Variants in DDX51 observed in about 807,000 individuals in gnomAD.
DDX51 encodes the protein ATP-dependent RNA helicase DDX51.
A neutral mutation model predicts 74.6 loss-of-function variants in DDX51; 67 were observed. The observed-to-expected ratio is 0.90, with a 90% CI of 0.74 to 1.10. DDX51 has a LOEUF of 1.10. Among genes scored for constraint, DDX51 ranks in the 50% least tolerant of loss-of-function variants. DDX51 has a pLI of 0.00. For missense variants in DDX51, 1,056 were observed against 905.2 expected (o/e 1.17, Z -2.14); for synonymous variants, 545 against 402.9 (o/e 1.35, Z -4.22).
Position 132,142,801 on chromosome 12 carries a change from G to C in DDX51, c.597C>G (p.Ile199Met). 6.2e-7 allele frequency: 1 copy of C among 1,613,122 alleles called. No individual in the cohort carries two copies. Among genetic ancestry groups the C allele is most frequent in the Non-Finnish European group, 8.5e-7 (1 of 1,180,032 alleles). Residue 199 changes from isoleucine (I) to methionine (M), a missense_variant, in exon 3 of 15, where the codon ATC becomes ATG. Transcript: ENST00000397333. ...CAGGATGGACGTCAGGGATGTCCTC[G>C]ATAGGAACCAGGTCTTCGGTGACAT... is the stretch of plus-strand genomic sequence containing the variant. ...RRNVTEDLVPIEDIPDVHPDL... is the reference protein window; with the variant it reads ...RRNVTEDLVPMEDIPDVHPDL...
At chr12:132,142,630 C>T in intron 3 of DDX51, 98 bp downstream of exon 3, 1 of 1,537,866 alleles carries the variant, frequency 6.5e-7, no homozygotes, top group South Asian at 1.2e-5. Flanking sequence ...ACACTTGGCA[C>T]CGATGTGGCA....
chr12:132,144,160 T>TGCC lies in DDX51; in HGVS notation c.134_136dup (p.Arg45dup). On this transcript the variant is annotated inframe_insertion, in exon 1 of 15. Coordinates refer to ENST00000397333, the MANE Select transcript of DDX51 (RefSeq NM_175066.4). The stretch of plus-strand genomic sequence containing the variant: ...GGTCTGCGCGGGCTCCCGCTGCTGC[T>TGCC]GCCGTTCGCGGGCCCGGCTCTGCAG... 8.5e-7 allele frequency: 1 copy of TGCC among 1,178,230 alleles called. No homozygotes were observed. The highest frequency in any genetic ancestry group is 1.0e-6 in the Non-Finnish European group (1 of 954,204). The allele number at this position is 1,178,230 out of a possible 1,614,324, so 73.0% of individuals were successfully genotyped here. A position where few individuals can be genotyped will look rare whatever the true frequency, so the allele number is the denominator to read the frequency against.
In DDX51 at chr12:132,143,710, C is replaced by G; in HGVS notation, c.504G>C (p.Lys168Asn). 1 of 1,541,020 alleles carries G rather than the reference C, an allele frequency of 6.5e-7. No individual in the cohort carries two copies. The highest frequency in any genetic ancestry group is 8.7e-7 in the Non-Finnish European group (1 of 1,145,400). Residue 168 changes from lysine (K) to asparagine (N), a missense_variant, in exon 2 of 15, where the codon AAG (lysine) becomes AAC (asparagine). Coordinates refer to ENST00000397333, the MANE Select transcript of DDX51 (RefSeq NM_175066.4). ...CGAGGCTCACCTTCGGCGCCTTCCT[C>G]TTCCCGAACCCCCCCAGCACCAGGC... ...VPGLVLGGFG[K>N]RKAPKVQPFL...
rs964270315 is a variant in DDX51 at position 132,143,763 on chromosome 12, C to T, written c.451G>A (p.Glu151Lys). ...GGGACCAGGGGTCCGGCCGCCTCCTCCAGGGCCGGTCCATCTGGGGCCGCC... is the reference window on the plus strand; with the variant it reads ...GGGACCAGGGGTCCGGCCGCCTCCTTCAGGGCCGGTCCATCTGGGGCCGCC... ...AEAAPDGPAL[E>K]EAAGPLVPGL... The change falls in exon 2 of 15, where the codon GAG becomes AAG. Residue 151 changes from glutamate (E) to lysine (K), a missense_variant. Transcript: ENST00000397333. The T allele has an allele frequency of 1.6e-5, 24 of 1,525,592 alleles. No homozygotes were observed. The highest frequency in any genetic ancestry group is 2.0e-5 in the Non-Finnish European group (23 of 1,139,986). 94.5% of individuals were successfully genotyped at this position (1,525,592 alleles called of 1,614,324 possible). A position where few individuals can be genotyped will look rare whatever the true frequency, so the allele number is the denominator to read the frequency against.
rs1897389666 is a variant in DDX51 at position 132,140,144 on chromosome 12, C to T, written c.1729G>A (p.Val577Met). 1 of 1,612,922 alleles carries T rather than the reference C, an allele frequency of 6.2e-7. No homozygotes were observed. Among genetic ancestry groups the T allele is most frequent in the Non-Finnish European group, 8.5e-7 (1 of 1,179,996 alleles). ...RGIDVQGVELVVNYDAPQYLR... is the reference protein window; with the variant it reads ...RGIDVQGVELMVNYDAPQYLR... ...TACTGGGGGGCGTCGTAGTTCACCA[C>T]CAGCTCCACACCCTGCACGTCGATG... Residue 577 changes from valine (V) to methionine (M), a missense_variant, in exon 12 of 15, where the codon GTG becomes ATG. By Grantham distance (21) the Val-to-Met change is conservative. Coordinates refer to ENST00000397333, the MANE Select transcript of DDX51 (RefSeq NM_175066.4).
chr12:132,141,209 G>A lies in DDX51; in HGVS notation c.1250+66C>T, dbSNP rs929776276. 35 of 1,521,522 alleles carry A rather than the reference G, an allele frequency of 2.3e-5. No homozygotes were observed. The South Asian group carries it at 2.9e-4, about 13-fold the overall frequency. The allele number at this position is 1,521,522 out of a possible 1,614,324, so 94.3% of individuals were successfully genotyped here. A position where few individuals can be genotyped will look rare whatever the true frequency, so the allele number is the denominator to read the frequency against. ...GCCACCCTTATCTCTGGGCATTAAG[G>A]AAGGAGAGCTGTGTGCAGAGGACTC... On this transcript the variant is annotated intron_variant, in intron 8 of 14. Transcript: ENST00000397333.
Position 132,142,423 on chromosome 12 carries a change from C to G in DDX51, c.671-1G>C. The G allele has an allele frequency of 6.2e-7, 1 of 1,611,644 alleles. No individual in the cohort carries two copies. Among genetic ancestry groups the G allele is most frequent in the Admixed American group, 1.7e-5 (1 of 59,998 alleles). The stretch of plus-strand genomic sequence containing the variant: ...AGGGCAGGAATCACAGCTGCCTGGA[C>G]TGGATGAGGAAAGGCGAGAGAGAAG... On this transcript the variant is annotated splice_acceptor_variant, in intron 3 of 14. Coordinates refer to ENST00000397333, the MANE Select transcript of DDX51 (RefSeq NM_175066.4). LOFTEE classifies it high-confidence loss of function.
In DDX51 at chr12:132,139,927, G is replaced by A; in HGVS notation, c.1776-3C>T. The A allele has an allele frequency of 1.2e-6, 2 of 1,612,902 alleles. No individual in the cohort carries two copies. The highest frequency in any genetic ancestry group is 1.7e-6 in the Non-Finnish European group (2 of 1,179,942). On this transcript the variant is annotated splice_region_variant and splice_polypyrimidine_tract_variant and intron_variant, in intron 12 of 14. Transcript: ENST00000397333. ...CAGCGCGAGCTGTCCTCCCAACCCT[G>A]GAATCAAACGCAGCTATCTCCAGAC...
In DDX51 at chr12:132,144,144, G is replaced by C; in HGVS notation, c.153C>G (p.Pro51=). The C allele has an allele frequency of 8.4e-7, 1 of 1,185,906 alleles. No homozygotes were observed. The allele number at this position is 1,185,906 out of a possible 1,614,324, so 73.5% of individuals were successfully genotyped here. ...RARERQQQRE[P]AQTEAAASTE... ...TCGATGCAGCCGCCTCGGTCTGCGCGGGCTCCCGCTGCTGCTGCCGTTCGC... is the reference window on the plus strand; with the variant it reads ...TCGATGCAGCCGCCTCGGTCTGCGCCGGCTCCCGCTGCTGCTGCCGTTCGC... The change falls in exon 1 of 15, where the codon CCC becomes CCG. Residue 51 remains proline (P), a synonymous_variant. Transcript: ENST00000397333.
chr12:132,142,052 A>T (rs559703354), intron 5 of DDX51, 67 bp downstream of exon 5: 1 of 1,596,536 alleles, frequency 6.3e-7, no homozygotes, highest in South Asian at 1.1e-5. Context: ...CCAGGGGCTG[A>T]TCGCTGTGCA....
In DDX51 at chr12:132,144,317, C is replaced by T. The variant is rs1297082716; in HGVS notation, c.-21G>A. 5 of 1,347,042 alleles carry T rather than the reference C, an allele frequency of 3.7e-6. No individual in the cohort carries two copies. Among genetic ancestry groups the T allele is most frequent in the Admixed American group, 4.0e-5 (1 of 24,782 alleles). 83.4% of individuals were successfully genotyped at this position (1,347,042 alleles called of 1,614,324 possible). A position where few individuals can be genotyped will look rare whatever the true frequency, so the allele number is the denominator to read the frequency against. ...GCCATGGCCAGCCGCACGCCTGGGA[C>T]TCGGGCGTGGCGCGCTGCGATGACG... is the stretch of plus-strand genomic sequence containing the variant. On this transcript the variant is annotated 5_prime_UTR_variant, in exon 1 of 15. Coordinates refer to ENST00000397333, the MANE Select transcript of DDX51 (RefSeq NM_175066.4).
chr12:132,141,160 G>A lies in DDX51; in HGVS notation c.1250+115C>T, dbSNP rs1897442696. 4 of 1,493,636 alleles carry A rather than the reference G, an allele frequency of 2.7e-6. No individual in the cohort carries two copies. In the East Asian group the frequency reaches 9.1e-5, roughly 34 times the overall value. 92.5% of individuals were successfully genotyped at this position (1,493,636 alleles called of 1,614,324 possible). On this transcript the variant is annotated intron_variant, in intron 8 of 14. Transcript: ENST00000397333. ...GGTCCAGCTCACGTGACAGTACGAT[G>A]CGGTTCTGTGCACCAGAGCTCAAGC...
At position 132,140,474 on chromosome 12, in the gene DDX51, G is replaced by A. The variant is rs1444390498; in HGVS notation, c.1622C>T (p.Pro541Leu). The change falls in exon 11 of 15, where the codon CCT becomes CTT. Residue 541 changes from proline to leucine, a missense_variant. Coordinates refer to ENST00000397333, the MANE Select transcript of DDX51 (RefSeq NM_175066.4). ...CTTCAGGATCATCCTCCTCTGGCCA[G>A]GCCCGTAGCGCGAGGAGAACTCAGC... ...DVAEFSSRYG[P>L]GQRRMILKQF... 4 of 1,613,220 alleles carry A rather than the reference G, an allele frequency of 2.5e-6. No homozygotes were observed. Among genetic ancestry groups the A allele is most frequent in the Admixed American group, 3.3e-5 (2 of 60,028 alleles).
In DDX51 at chr12:132,141,592, C is replaced by T. The variant is rs371889495; in HGVS notation, c.1010G>A (p.Arg337His). 24 of 1,595,916 alleles carry T rather than the reference C, an allele frequency of 1.5e-5. No individual in the cohort carries two copies. Among genetic ancestry groups the T allele is most frequent in the Middle Eastern group, 1.7e-4 (1 of 6,004 alleles). The change falls in exon 7 of 15, where the codon CGC becomes CAC. Residue 337 changes from arginine to histidine, a missense_variant. Physicochemically the swap from Arg to His is conservative, Grantham distance 29. Coordinates refer to ENST00000397333, the MANE Select transcript of DDX51 (RefSeq NM_175066.4). The stretch of plus-strand genomic sequence containing the variant: ...GGCTACCACGATGTCAGCCAAGCAG[C>T]GGTACCCATCAGCTCTACAGACCAG... ...SLVQKTADGYRCLADIVVATP... is the reference protein window; with the variant it reads ...SLVQKTADGYHCLADIVVATP...
rs1305465208 is a variant in DDX51 at position 132,138,498 on chromosome 12, T to G, written c.*774A>C. ...CGGCTAGTTGTTTTTTTTTTTTTTTTGTATTTTTAGTAGAGACGGGGTTTC... is the reference window on the plus strand; with the variant it reads ...CGGCTAGTTGTTTTTTTTTTTTTTTGGTATTTTTAGTAGAGACGGGGTTTC... On this transcript the variant is annotated 3_prime_UTR_variant, in exon 15 of 15. Coordinates refer to ENST00000397333, the MANE Select transcript of DDX51 (RefSeq NM_175066.4). 5 of 136,384 alleles carry G rather than the reference T, an allele frequency of 3.7e-5. No individual in the cohort carries two copies. Among genetic ancestry groups the G allele is most frequent in the African/African-American group, 1.5e-4 (5 of 32,436 alleles). 8.4% of individuals were successfully genotyped at this position (136,384 alleles called of 1,614,324 possible). A position where few individuals can be genotyped will look rare whatever the true frequency, so the allele number is the denominator to read the frequency against.
Position 132,137,226 on chromosome 12 carries a change from G to C in DDX51, c.*2046C>G, listed in dbSNP as rs1897282599. On this transcript the variant is annotated 3_prime_UTR_variant, in exon 15 of 15. Coordinates refer to ENST00000397333, the MANE Select transcript of DDX51 (RefSeq NM_175066.4). Reference sequence around the variant, plus strand: ...AAGGGGACGGGAATGTGCTTATTAGGGTCCACTGTTTTACTGGGGCCCATT... The same window carrying C: ...AAGGGGACGGGAATGTGCTTATTAGCGTCCACTGTTTTACTGGGGCCCATT... The C allele has an allele frequency of 6.6e-6, 1 of 152,098 alleles. No homozygotes were observed. The highest frequency in any genetic ancestry group is 2.1e-4 in the South Asian group (1 of 4,830). 9.4% of individuals were successfully genotyped at this position (152,098 alleles called of 1,614,324 possible).
In DDX51 at chr12:132,141,934, T is replaced by C. The variant is rs1897480921; in HGVS notation, c.911A>G (p.Tyr304Cys). 1 of 1,613,018 alleles carries C rather than the reference T, an allele frequency of 6.2e-7. No individual in the cohort carries two copies. Among genetic ancestry groups the C allele is most frequent in the Non-Finnish European group, 8.5e-7 (1 of 1,179,996 alleles). Reference sequence around the variant, plus strand: ...GACTCTCAGAGGTGTGGCATCTGTGTAGATGTTGAAAACTTTGCTCACCTG... The same window carrying C: ...GACTCTCAGAGGTGTGGCATCTGTGCAGATGTTGAAAACTTTGCTCACCTG... ...AQQVSKVFNI[Y>C]TDATPLRVSL... is the part of the protein sequence containing the mutation. The change falls in exon 6 of 15, where the codon TAC becomes TGC. Residue 304 changes from tyrosine to cysteine, a missense_variant. By Grantham distance (194) the Tyr-to-Cys change is radical. Coordinates refer to ENST00000397333, the MANE Select transcript of DDX51 (RefSeq NM_175066.4).
At chr12:132,140,383 C>G (rs370660179) in intron 11 of DDX51, 40 bp downstream of exon 11, 35 of 1,603,096 alleles carry the variant, frequency 2.2e-5, no homozygotes, top group Non-Finnish European at 3.0e-5. Context: ...GAGTGGGCAC[C>G]CCCACCCCAC....
rs200029777 is a variant in DDX51 at position 132,141,478 on chromosome 12, C to T, written c.1104+20G>A. 1 of 1,582,472 alleles carries T rather than the reference C, an allele frequency of 6.3e-7. No homozygotes were observed. The highest frequency in any genetic ancestry group is 8.6e-7 in the Non-Finnish European group (1 of 1,167,508). ...CGCGGCCCTGAGCTCAAAGCCCAGG[C>T]CCCTGGGGCGGGGACCTACCAGGAA... On this transcript the variant is annotated intron_variant, in intron 7 of 14. Transcript: ENST00000397333.
Sources: gnomAD v4.1 joint callset for allele counts on GRCh38, gnomAD v4.1.1 for gene constraint, MANE v1.5 for transcripts, NCBI Gene and HGNC (gene_info 2026-07-23, HGNC 2026-07-21) for gene names.